The following TMPRSS7 variants were observed in gnomAD, a reference collection of about 807,000 sequenced individuals.
The protein encoded by TMPRSS7 is transmembrane serine protease 7.
A neutral mutation model predicts 95.6 loss-of-function variants in TMPRSS7; 81 were observed. The observed-to-expected ratio is 0.85, with a 90% CI of 0.71 to 1.02. TMPRSS7 has a LOEUF of 1.02. Ranked by LOEUF, TMPRSS7 falls within the 50% of genes least tolerant of loss-of-function variation. The pLI is 0.00. For missense variants in TMPRSS7, 945 were observed against 955.2 expected (o/e 0.99, Z 0.14); for synonymous variants, 364 against 337.8 (o/e 1.08, Z -0.85).
intron 17 of TMPRSS7, among the ~76,000 whole-genome samples, chr3:112,079,608 A>T (rs1576126167): frequency 6.6e-6 from 1 of 152,108 alleles, no homozygotes; most frequent in East Asian, 1.9e-4. Context: ...TTCTTCTTCC[A>T]GTGTGGCTCA....
chr3:112,039,944 G>A (rs932487848), intron 2 of TMPRSS7, among the ~76,000 whole-genome samples: 13 of 152,232 alleles, frequency 8.5e-5, no homozygotes, highest in Non-Finnish European at 1.2e-4. Flanking sequence ...GGTCTGACAC[G>A]AACTCTTGGT....
intron 9 of TMPRSS7, among the ~76,000 whole-genome samples, chr3:112,053,947 A>C (rs1464308871): frequency 6.6e-6 from 1 of 152,210 alleles, no homozygotes; most frequent in Non-Finnish European, 1.5e-5. Context: ...CAGTGCTTTG[A>C]ATTGTTTTAT....
intron 9 of TMPRSS7, among the ~76,000 whole-genome samples, chr3:112,054,276 C>T (rs1015715277): frequency 3.3e-5 from 5 of 152,192 alleles, no homozygotes; most frequent in East Asian, 3.8e-4. Context: ...AGGTCCAGAT[C>T]GGGAAAATTC....
At chr3:112,079,941 C>G (rs2073757798) in intron 17 of TMPRSS7, among the ~76,000 whole-genome samples, 1 of 152,130 alleles carries the variant, frequency 6.6e-6, no homozygotes. Context: ...GCTAAGGGTA[C>G]TCTATTTTGG....
chr3:112,042,428 A>G (rs1016923600), intron 3 of TMPRSS7, among the ~76,000 whole-genome samples: 13 of 152,308 alleles, frequency 8.5e-5, no homozygotes, highest in Admixed American at 7.2e-4. Flanking sequence ...CAATCTCTTC[A>G]TTGTAAAAAA....
intron 3 of TMPRSS7, 114 bp from the exon 4 acceptor site, chr3:112,044,141 T>G: frequency 2.9e-6 from 2 of 687,464 alleles, no homozygotes; most frequent in Non-Finnish European, 5.1e-6. Context: ...GCCTTTATTT[T>G]GAGGCTTGCA....
intron 15 of TMPRSS7, 132 bp downstream of exon 15, chr3:112,075,624 C>A: frequency 2.6e-6 from 2 of 779,930 alleles, no homozygotes; most frequent in Non-Finnish European, 1.8e-6. Flanking sequence ...TTTTTTGGAT[C>A]CCACGTGTGT....
At chr3:112,053,403 A>G (rs1423836060) in intron 9 of TMPRSS7, among the ~76,000 whole-genome samples, 2 of 152,162 alleles carry the variant, frequency 1.3e-5, no homozygotes, top group African/African-American at 4.8e-5. Flanking sequence ...TACAGCTTAA[A>G]GATTCTTCTC....
At chr3:112,065,378 A>G (rs752883922) in intron 12 of TMPRSS7, among the ~76,000 whole-genome samples, 20 of 152,164 alleles carry the variant, frequency 1.3e-4, no homozygotes, top group Non-Finnish European at 2.1e-4. Context: ...ACAAAACACA[A>G]AATTTGTCTT....
exon 15 of TMPRSS7, chr3:112,075,409 C>T (rs764666561): frequency 6.4e-7 from 1 of 1,552,498 alleles, no homozygotes; most frequent in Non-Finnish European, 8.7e-7. Context: ...TCAGCCTCCA[C>T]TTTGTTGGAT....
chr3:112,057,184 A>T (rs1401692892), intron 10 of TMPRSS7, 53 bp downstream of exon 10: 1 of 1,301,936 alleles, frequency 7.7e-7, no homozygotes, highest in South Asian at 1.2e-5. Context: ...AAAAGTTCAT[A>T]GCTGTGTGTT....
At chr3:112,057,937 G>C (rs1316764379) in intron 10 of TMPRSS7, among the ~76,000 whole-genome samples, 1 of 152,054 alleles carries the variant, frequency 6.6e-6, no homozygotes, top group Admixed American at 6.6e-5. Flanking sequence ...TGTTGGCCGG[G>C]CTGGTGTCAA....
intron 9 of TMPRSS7, 72 bp from the exon 10 acceptor site, chr3:112,056,953 C>T (rs1437791924): frequency 1.8e-6 from 2 of 1,107,402 alleles, no homozygotes; most frequent in Non-Finnish European, 1.3e-6. Flanking sequence ...CTTAAAACAA[C>T]AAGCCAAGGG....
In TMPRSS7 at chr3:112,072,921, G is replaced by T. The variant is rs919855487; in HGVS notation, c.1667-1375G>T. Among the ~76,000 whole-genome samples, 5 of 152,178 alleles carry T rather than the reference G, an allele frequency of 3.3e-5. No homozygotes were observed. The South Asian group carries it at 1.0e-3, about 31-fold the overall frequency. ...AGTAGCAAGATTTATAATCCTTTGGGTATATACCCAGTAATGGGATTGCTG... is the reference window on the plus strand; with the variant it reads ...AGTAGCAAGATTTATAATCCTTTGGTTATATACCCAGTAATGGGATTGCTG... On this transcript the variant is annotated intron_variant, in intron 13 of 17. Coordinates refer to ENST00000452346, the Ensembl canonical transcript of TMPRSS7.
At chr3:112,078,942 A>T (rs1252770760) in intron 17 of TMPRSS7, 64 bp downstream of exon 17, 17 of 1,579,386 alleles carry the variant, frequency 1.1e-5, no homozygotes, top group Admixed American at 1.7e-5. Context: ...TTCTCACTTA[A>T]TCTACATAAC....
rs368517173 is a variant in TMPRSS7 at position 112,074,421 on chromosome 3, A to C, written c.1783+9A>C. 40 of 1,590,670 alleles carry C rather than the reference A, an allele frequency of 2.5e-5. No individual in the cohort carries two copies. The African/African-American group carries it at 4.6e-4, about 18-fold the overall frequency. ...TGATGAAGAAGGCTGCAGTAAGTAG[A>C]AATTCATTCCTTTGGGTTCCTGTAT... On this transcript the variant is annotated intron_variant, in intron 14 of 17. Transcript: ENST00000452346.
At chr3:112,037,587 A>C (rs929158246) in intron 1 of TMPRSS7, among the ~76,000 whole-genome samples, 3 of 152,158 alleles carry the variant, frequency 2.0e-5, no homozygotes, top group Non-Finnish European at 2.9e-5. Context: ...CCTTTGAAGC[A>C]CGTGATCTCT....
intron 13 of TMPRSS7, among the ~76,000 whole-genome samples, chr3:112,068,753 T>C (rs1247876205): frequency 6.6e-6 from 1 of 152,180 alleles, no homozygotes; most frequent in South Asian, 2.1e-4. Flanking sequence ...AAATATACAA[T>C]CATGTCATCT....
intron 13 of TMPRSS7, among the ~76,000 whole-genome samples, chr3:112,069,617 G>T (rs565763868): frequency 6.6e-6 from 1 of 152,194 alleles, no homozygotes; most frequent in Non-Finnish European, 1.5e-5. Context: ...TTGCATAGAG[G>T]TGTTTATAGT....
Sources: gnomAD v4.1 joint callset for allele counts (sites outside exome capture counted in the v4.1 genomes callset) on GRCh38, gnomAD v4.1.1 for gene constraint, MANE v1.5 for transcripts, NCBI Gene and HGNC (gene_info 2026-07-23, HGNC 2026-07-21) for gene names.